NAV1: variants seen among roughly 807,000 people sequenced by gnomAD.
NAV1 encodes pore membrane and/or filament interacting like protein 3.
NAV1 carries 18 observed loss-of-function variants against 175.2 expected under a neutral mutation model. The ratio of observed to expected loss-of-function variants is 0.10; its 90% CI spans 0.07 to 0.15. The LOEUF is 0.15. Ranked by LOEUF, NAV1 falls within the 10% of genes least tolerant of loss-of-function variation. The probability of loss-of-function intolerance (pLI) is 1.00; values close to 1 mark genes in which losing one functional copy is unlikely to be tolerated. For missense variants in NAV1, 1,731 were observed against 2,436.6 expected (o/e 0.71, Z 6.10); for synonymous variants, 897 against 978.7 (o/e 0.92, Z 1.56).
intron 1 of NAV1, among the ~76,000 whole-genome samples, chr1:201,555,341 T>C (rs1390339252): frequency 2.6e-5 from 4 of 152,212 alleles, no homozygotes; most frequent in Non-Finnish European, 5.9e-5. Flanking sequence ...TAACATTCTA[T>C]GTGACCTCGT....
intron 3 of NAV1, among the ~76,000 whole-genome samples, chr1:201,730,326 G>A (rs12058481): frequency 0.15 from 22,843 of 152,210 alleles, 2,102 homozygotes; most frequent in East Asian, 0.36. Flanking sequence ...ACTGGCTTGG[G>A]AGGATCATAT....
At chr1:201,648,906 C>T (rs1669080258) in exon 1 of NAV1, 13 of 1,612,714 alleles carry the variant, frequency 8.1e-6, no homozygotes, top group Non-Finnish European at 1.1e-5. Context: ...CCCCGGCGGG[C>T]CGCCCGCCTC....
chr1:201,798,237 T>TA (rs1271941764), intron 15 of NAV1: 1 of 152,274 alleles, frequency 6.6e-6, no homozygotes, highest in Admixed American at 6.5e-5. Context: ...CTCAGGTTTT[T>TA]ATCATTCTTC....
intron 3 of NAV1, among the ~76,000 whole-genome samples, chr1:201,777,383 T>C (rs1676023978): frequency 6.6e-6 from 1 of 152,076 alleles, no homozygotes; most frequent in Non-Finnish European, 1.5e-5. Context: ...GAAGTAAAAA[T>C]GGGAGGGCAA....
At chr1:201,754,480 G>C (rs890689308) in intron 3 of NAV1, among the ~76,000 whole-genome samples, 1 of 152,228 alleles carries the variant, frequency 6.6e-6, no homozygotes, top group African/African-American at 2.4e-5. Flanking sequence ...AATTAGCAAT[G>C]TAGAGATCTT....
At position 201,810,767 on chromosome 1, in the gene NAV1, C is replaced by T. The variant is rs1333467133; in HGVS notation, c.4797+9C>T. ...ACCAGCAGTCTTGCAAGGTGGCTGC[C>T]CCCCGACACCCCTGCCAGCCTTTGT... On this transcript the variant is annotated intron_variant, in intron 24 of 29. Transcript: ENST00000367296. The surrounding 1 kb of genome is among the most constrained non-coding windows in gnomAD (Gnocchi z 6.0). 1.2e-6 allele frequency: 2 copies of T among 1,605,268 alleles called. No individual in the cohort carries two copies. The highest frequency in any genetic ancestry group is 1.3e-5 in the African/African-American group (1 of 74,830).
intron 3 of NAV1, among the ~76,000 whole-genome samples, chr1:201,721,861 C>T (rs560804): frequency 0.6 from 91,200 of 151,954 alleles, 27,408 homozygotes; most frequent in South Asian, 0.73. Context: ...TGTTTATCTG[C>T]GGGGGGATCA....
At chr1:201,627,533 C>G (rs183140788) in intron 1 of NAV1, among the ~76,000 whole-genome samples, 3 of 134,624 alleles carry the variant, frequency 2.2e-5, no homozygotes, top group South Asian at 2.8e-4. Context: ...CCGGCCCCCC[C>G]ACCCTAAGTA....
chr1:201,610,726 G>A (rs1558018012), intron 2 of NAV1, among the ~76,000 whole-genome samples: 1 of 152,168 alleles, frequency 6.6e-6, no homozygotes, highest in Non-Finnish European at 1.5e-5. Context: ...AGCCTCTCCT[G>A]GGGAATGGCT....
chr1:201,682,925 C>G (rs919397543), intron 1 of NAV1, among the ~76,000 whole-genome samples: 2 of 152,188 alleles, frequency 1.3e-5, no homozygotes, highest in Non-Finnish European at 2.9e-5. Flanking sequence ...CCCGTTTCCC[C>G]TGTTGGTAAC....
At chr1:201,609,435 G>A (rs149018555) in intron 2 of NAV1, among the ~76,000 whole-genome samples, 23 of 152,304 alleles carry the variant, frequency 1.5e-4, no homozygotes, top group South Asian at 4.1e-4. Context: ...GGAACAGTCC[G>A]TAATCCCCAC....
chr1:201,648,351 A>G, exon 1 of NAV1: 1 of 1,181,050 alleles, frequency 8.5e-7, no homozygotes. Context: ...CCTTCCTTTG[A>G]CTGATTTTTA....
At position 201,599,138 on chromosome 1, in the gene NAV1, C is replaced by G. The variant is rs559912337; in HGVS notation, c.-33+10489C>G. ...CTTGGGCTTAGCTGGCCAGGTTGGG[C>G]CCCCCAGGAGGCAAAACCCTGCAAG... On this transcript the variant is annotated intron_variant, in intron 2 of 33. Coordinates refer to the NAV1 transcript ENST00000685211. 3.3e-5 allele frequency among the ~76,000 whole-genome samples: 5 copies of G among 152,296 alleles called. No individual in the cohort carries two copies. In the East Asian group the frequency reaches 9.7e-4, roughly 29 times the overall value.
chr1:201,786,628 C>G (rs771896225), intron 9 of NAV1, 51 bp downstream of exon 13: 1 of 1,567,224 alleles, frequency 6.4e-7, no homozygotes, highest in Non-Finnish European at 8.7e-7. Flanking sequence ...AGGGGTCACC[C>G]TGCAGGGTGA....
intron 1 of NAV1, among the ~76,000 whole-genome samples, chr1:201,670,698 T>C (rs1670008304): frequency 6.6e-6 from 1 of 151,942 alleles, no homozygotes; most frequent in Non-Finnish European, 1.5e-5. Flanking sequence ...GTAGAGATGC[T>C]GGTGGTGTCT....
intron 2 of NAV1, among the ~76,000 whole-genome samples, chr1:201,610,179 C>T (rs1310391166): frequency 6.6e-6 from 1 of 152,168 alleles, no homozygotes; most frequent in Non-Finnish European, 1.5e-5. Flanking sequence ...GCCTCCAGCC[C>T]CCTGTGATTT....
chr1:201,808,215 A>G lies in NAV1; in HGVS notation c.3845+66A>G, dbSNP rs1326145156. The G allele has an allele frequency of 1.3e-6, 2 of 1,572,440 alleles. No homozygotes were observed. Among genetic ancestry groups the G allele is most frequent in the African/African-American group, 1.4e-5 (1 of 73,974 alleles). On this transcript the variant is annotated intron_variant, in intron 18 of 29. Transcript: ENST00000367296. This position sits in a 1 kb window ranked among gnomAD's most constrained non-coding sequence, Gnocchi z 5.5. Reference sequence around the variant, plus strand: ...GTGTAAGCTGTGGGCTAGAGTTGACAGGAGGCCATTAGACCTTAGACAAGC... The same window carrying G: ...GTGTAAGCTGTGGGCTAGAGTTGACGGGAGGCCATTAGACCTTAGACAAGC...
intron 3 of NAV1, among the ~76,000 whole-genome samples, chr1:201,721,562 GATGTT>G (rs1672385734): frequency 6.6e-6 from 1 of 152,202 alleles, no homozygotes; most frequent in Non-Finnish European, 1.5e-5. Context: ...TTTCCATCTA[GATGTT>G]ATAATTTAGA....
At chr1:201,726,884 T>C (rs1231291025) in intron 3 of NAV1, among the ~76,000 whole-genome samples, 1 of 152,192 alleles carries the variant, frequency 6.6e-6, no homozygotes, top group African/African-American at 2.4e-5. Context: ...AACAGACTTT[T>C]GAGAACAGGC....
Sources: gnomAD v4.1 joint callset for allele counts (sites outside exome capture counted in the v4.1 genomes callset) on GRCh38, gnomAD v4.1.1 for gene constraint, Gnocchi (gnomAD v3.1) non-coding constraint, MANE v1.5 for transcripts, NCBI Gene and HGNC (gene_info 2026-07-23, HGNC 2026-07-21) for gene names.